SPAG17: variants seen among roughly 807,000 people sequenced by gnomAD.
SPAG17 encodes the protein sperm-associated antigen 17.
In SPAG17, 169 loss-of-function variants were observed where a neutral mutation model predicts 273.6. That is an observed-to-expected ratio of 0.62 (90% CI 0.55 to 0.70). The LOEUF (loss-of-function observed/expected upper bound fraction) is 0.70. Among genes scored for constraint, SPAG17 ranks in the 30% least tolerant of loss-of-function variants. SPAG17 has a pLI of 0.00. For missense variants in SPAG17, 2,557 were observed against 2,627.8 expected (o/e 0.97, Z 0.59); for synonymous variants, 825 against 873.2 (o/e 0.94, Z 0.97).
In SPAG17 at chr1:118,151,256, C is replaced by T; in HGVS notation, c.201G>A (p.Met67Ile). Residue 67 changes from methionine to isoleucine, a missense_variant, in exon 2 of 49, where the codon ATG (methionine) becomes ATA (isoleucine). Transcript: ENST00000336338. ...VQVPQRKLFS[M>I]VSWQDILQQI... is the part of the protein sequence containing the mutation. ...GCTGGAGAATGTCTTGCCACGACAC[C>T]ATACTGAAGAGTTTACGCTGAGGGA... 6.3e-7 allele frequency: 1 copy of T among 1,599,852 alleles called. No individual in the cohort carries two copies.
intron 7 of SPAG17, 103 bp from the exon 8 acceptor site, chr1:118,093,420 A>G (rs1655513479): frequency 1.7e-6 from 2 of 1,169,360 alleles, no homozygotes; most frequent in South Asian, 3.4e-5. Context: ...AACTTTATAC[A>G]GGAAAGCAAA....
intron 18 of SPAG17, among the ~76,000 whole-genome samples, chr1:118,060,284 C>A (rs1269723099): frequency 1.3e-5 from 2 of 152,008 alleles, no homozygotes; most frequent in African/African-American, 4.8e-5. Context: ...TGATTTTACA[C>A]AAAACACATA....
At chr1:118,006,204 C>T (rs1441452307) in intron 31 of SPAG17, among the ~76,000 whole-genome samples, 1 of 152,176 alleles carries the variant, frequency 6.6e-6, no homozygotes, top group African/African-American at 2.4e-5. Flanking sequence ...ATCACTAATT[C>T]CGTAACACTT....
chr1:118,111,442 C>G (rs1267835877), intron 4 of SPAG17, among the ~76,000 whole-genome samples: 1 of 152,088 alleles, frequency 6.6e-6, no homozygotes, highest in Admixed American at 6.6e-5. Context: ...AGTTCCTGCT[C>G]TTTCTCTGTT....
At chr1:118,074,022 G>T in intron 16 of SPAG17, 55 bp from the exon 17 acceptor site, 3 of 1,262,692 alleles carry the variant, frequency 2.4e-6, no homozygotes, top group Non-Finnish European at 3.3e-6. Context: ...TCCAAATGGA[G>T]CCCTCTTGGG....
intron 18 of SPAG17, among the ~76,000 whole-genome samples, chr1:118,060,267 T>C (rs543278597): frequency 4.6e-5 from 7 of 152,122 alleles, no homozygotes; most frequent in Admixed American, 4.6e-4. Context: ...CTGATAAAAC[T>C]TGCCTTTGAT....
At chr1:117,964,169 G>T in intron 47 of SPAG17, 1 of 352,274 alleles carries the variant, frequency 2.8e-6, no homozygotes, top group Non-Finnish European at 5.2e-6. Context: ...TCCTAACTGT[G>T]ACTGGCTTTC....
chr1:118,075,502 CTT>C lies in SPAG17; in HGVS notation c.2210-904_2210-903del, dbSNP rs544157054. Among the ~76,000 whole-genome samples, 20 of 152,310 alleles carry C rather than the reference CTT, an allele frequency of 1.3e-4. No individual in the cohort carries two copies. The South Asian group carries it at 2.7e-3, about 21-fold the overall frequency. The stretch of plus-strand genomic sequence containing the variant: ...AATGTCTTAGAATTTGTAATTTGCT[CTT>C]GTTATTGTGAATCTCTAATTGAGAA... On this transcript the variant is annotated intron_variant, in intron 15 of 48. Coordinates refer to ENST00000336338, the MANE Select transcript of SPAG17 (RefSeq NM_206996.4).
At chr1:117,970,461 C>T (rs773183547) in intron 45 of SPAG17, among the ~76,000 whole-genome samples, 40 of 152,120 alleles carry the variant, frequency 2.6e-4, no homozygotes, top group Non-Finnish European at 5.3e-4. Flanking sequence ...TGCTGGCAGC[C>T]GGGTCATTAA....
At chr1:118,123,801 T>A (rs1657552444) in intron 3 of SPAG17, among the ~76,000 whole-genome samples, 1 of 152,112 alleles carries the variant, frequency 6.6e-6, no homozygotes, top group Non-Finnish European at 1.5e-5. Context: ...GTTGGTAACA[T>A]AATAACATTT....
At chr1:118,083,416 T>TCCC (rs1654745224) in intron 13 of SPAG17, among the ~76,000 whole-genome samples, 2 of 152,128 alleles carry the variant, frequency 1.3e-5, no homozygotes, top group African/African-American at 2.4e-5. Flanking sequence ...ATTGGAATAG[T>TCCC]CCACTTGAGG....
rs115282708 is a variant in SPAG17, at chr1:118,067,288, G to T, written c.2386-389C>A. ...ATAAATAGATGCTATGAATTAAATT[G>T]TGTTCACCATCCCTATTTATATGTT... is the stretch of plus-strand genomic sequence containing the variant. On this transcript the variant is annotated intron_variant, in intron 17 of 48. Transcript: ENST00000336338. Among the ~76,000 whole-genome samples the T allele has an allele frequency of 7.0e-3, 1,068 of 152,278 alleles. 14 individuals carry two copies. The highest frequency in any genetic ancestry group is 0.025 in the African/African-American group (1,027 of 41,550).
rs773112294 is a variant in SPAG17 at position 117,981,315 on chromosome 1, A to C, written c.5959T>G (p.Phe1987Val). The C allele has an allele frequency of 6.3e-7, 1 of 1,599,438 alleles. No individual in the cohort carries two copies. Among genetic ancestry groups the C allele is most frequent in the South Asian group, 1.1e-5 (1 of 87,452 alleles). The change falls in exon 43 of 49, where the codon TTC (phenylalanine) becomes GTC (valine). Residue 1987 changes from phenylalanine (F) to valine (V), a missense_variant. By Grantham distance (50) the Phe-to-Val change is conservative. Transcript: ENST00000336338. ...TTTTCAGTTTGGTTCTGAGCAGTGA[A>C]ATCCTTCTTATCTGCAGAAATCTCT... Reference protein sequence around the residue: ...KPEISADKKDFTAQNQTENLT... With the variant: ...KPEISADKKDVTAQNQTENLT...
intron 1 of SPAG17, among the ~76,000 whole-genome samples, chr1:118,177,985 C>T (rs77568849): frequency 0.023 from 3,425 of 152,142 alleles, 65 homozygotes; most frequent in South Asian, 0.048. Context: ...TTCTATTGAA[C>T]ATTTAAAGTA....
chr1:118,063,994 A>T (rs924745843), intron 18 of SPAG17, among the ~76,000 whole-genome samples: 1 of 152,234 alleles, frequency 6.6e-6, no homozygotes, highest in South Asian at 2.1e-4. Flanking sequence ...AATACTCATC[A>T]TCACTGGTCA....
At chr1:118,182,180 A>G (rs913941854) in intron 1 of SPAG17, among the ~76,000 whole-genome samples, 1 of 152,218 alleles carries the variant, frequency 6.6e-6, no homozygotes, top group Non-Finnish European at 1.5e-5. Flanking sequence ...TTAAGTAAAA[A>G]TAAGAGTCAC....
At chr1:118,154,413 G>A (rs1171416749) in intron 1 of SPAG17, among the ~76,000 whole-genome samples, 1 of 152,180 alleles carries the variant, frequency 6.6e-6, no homozygotes, top group Non-Finnish European at 1.5e-5. Flanking sequence ...ATTGTGAGCT[G>A]CAGCAGGGGG....
rs761408188 is a variant in SPAG17, at chr1:118,085,947, A to G, written c.1737T>C (p.His579=). 3 of 1,609,304 alleles carry G rather than the reference A, an allele frequency of 1.9e-6. No homozygotes were observed. The highest frequency in any genetic ancestry group is 1.7e-6 in the Non-Finnish European group (2 of 1,178,118). The change falls in exon 13 of 49, where the codon CAT becomes CAC. Residue 579 remains histidine (H), a synonymous_variant. Coordinates refer to ENST00000336338, the MANE Select transcript of SPAG17 (RefSeq NM_206996.4). The stretch of plus-strand genomic sequence containing the variant: ...CACTCGTACAAAAGTGCATAAGCTC[A>G]TGAATTGTAGCTAGACGTTTAGTGT... ...WNNTKRLATI[H]ELMHFCTSDV...
chr1:117,954,748 T>A, intron 48 of SPAG17: 2 of 1,066,952 alleles, frequency 1.9e-6, no homozygotes, highest in Non-Finnish European at 2.7e-6. Flanking sequence ...TCTTCAAAAG[T>A]CTCTTTTGAA....
Sources: gnomAD v4.1 joint callset for allele counts (sites outside exome capture counted in the v4.1 genomes callset) on GRCh38, gnomAD v4.1.1 for gene constraint, MANE v1.5 for transcripts, NCBI Gene and HGNC (gene_info 2026-07-23, HGNC 2026-07-21) for gene names.